PLEKHA6: variants seen among roughly 807,000 people sequenced by gnomAD.
The protein encoded by PLEKHA6 is pleckstrin homology domain-containing family A member 6.
PLEKHA6 carries 60 observed loss-of-function variants against 116.7 expected under a neutral mutation model. The observed-to-expected ratio is 0.51, with a 90% CI of 0.42 to 0.64. PLEKHA6 has a LOEUF of 0.64. Among genes scored for constraint, PLEKHA6 ranks in the 30% least tolerant of loss-of-function variants. The pLI is 0.00. For synonymous variants in PLEKHA6, 489 were observed against 556.1 expected (o/e 0.88, Z 1.70); for missense variants, 1,338 against 1,422.7 (o/e 0.94, Z 0.96).
intron 1 of PLEKHA6, chr1:204,320,399 T>A: frequency 1.5e-6 from 1 of 681,336 alleles, no homozygotes; most frequent in Non-Finnish European, 1.8e-6. Context: ...ATGCCCTCCA[T>A]CTGGATTCAC....
intron 1 of PLEKHA6, among the ~76,000 whole-genome samples, chr1:204,374,514 C>T (rs1040811961): frequency 6.6e-6 from 1 of 152,146 alleles, no homozygotes; most frequent in Non-Finnish European, 1.5e-5. Flanking sequence ...AGATTCTCAC[C>T]CATCCTTTAA....
chr1:204,307,788 C>T (rs909172882), intron 1 of PLEKHA6: 3 of 782,374 alleles, frequency 3.8e-6, no homozygotes, highest in African/African-American at 3.8e-5. Flanking sequence ...CCCAGAGGTG[C>T]AGGCACTGGG....
intron 1 of PLEKHA6, among the ~76,000 whole-genome samples, chr1:204,355,408 A>T (rs1423626623): frequency 6.6e-6 from 1 of 152,076 alleles, no homozygotes; most frequent in African/African-American, 2.4e-5. Flanking sequence ...TCCAGATTCA[A>T]CCTGAGTTTG....
At chr1:204,258,025 C>T (rs940545878) in intron 8 of PLEKHA6, among the ~76,000 whole-genome samples, 156 bp from the exon 9 acceptor site, 11 of 152,126 alleles carry the variant, frequency 7.2e-5, no homozygotes, top group Admixed American at 7.2e-4. Flanking sequence ...GACTCCTGTC[C>T]TCACAGCCCC....
chr1:204,295,916 A>G (rs1670229627), intron 1 of PLEKHA6, among the ~76,000 whole-genome samples: 2 of 152,188 alleles, frequency 1.3e-5, no homozygotes, highest in Non-Finnish European at 2.9e-5. Flanking sequence ...TTTTCTAACT[A>G]TAAACGGAAA....
intron 1 of PLEKHA6, among the ~76,000 whole-genome samples, chr1:204,324,262 G>C (rs4076841): frequency 6.6e-6 from 1 of 151,888 alleles, no homozygotes; most frequent in South Asian, 2.1e-4. Context: ...GCTATGGATC[G>C]TGAAGGGATT....
At chr1:204,339,146 TGTG>T (rs1429723796) in intron 1 of PLEKHA6, among the ~76,000 whole-genome samples, 4 of 152,184 alleles carry the variant, frequency 2.6e-5, no homozygotes, top group South Asian at 4.1e-4. Context: ...AGAGGCCACT[TGTG>T]GTGCTCAGGT....
chr1:204,363,086 T>C (rs951508933), upstream of PLEKHA6, among the ~76,000 whole-genome samples: 1 of 152,248 alleles, frequency 6.6e-6, no homozygotes, highest in Non-Finnish European at 1.5e-5. Context: ...CCAGCACTCC[T>C]GTGCTCTGTC....
upstream of PLEKHA6, among the ~76,000 whole-genome samples, chr1:204,364,893 A>C (rs896969022): frequency 2.6e-5 from 4 of 152,250 alleles, no homozygotes; most frequent in African/African-American, 9.6e-5. Context: ...TACACGCTCC[A>C]GTTGGAGAGT....
chr1:204,328,821 T>C (rs1396400675), intron 1 of PLEKHA6, among the ~76,000 whole-genome samples: 3 of 152,262 alleles, frequency 2.0e-5, no homozygotes, highest in Non-Finnish European at 4.4e-5. Context: ...ACATCTACTA[T>C]ATCCCAGGCA....
intron 12 of PLEKHA6, 103 bp from the exon 13 acceptor site, chr1:204,247,563 C>G: frequency 1.4e-6 from 1 of 740,200 alleles, no homozygotes; most frequent in Non-Finnish European, 2.3e-6. Context: ...GCACAAAGAT[C>G]TGGGGAAGAG....
intron 1 of PLEKHA6, among the ~76,000 whole-genome samples, chr1:204,319,641 T>C (rs1459102876): frequency 6.6e-6 from 1 of 152,200 alleles, no homozygotes; most frequent in Non-Finnish European, 1.5e-5. Flanking sequence ...GTCACGCCTG[T>C]TGTCCTGCAT....
chr1:204,329,019 C>T lies in PLEKHA6; in HGVS notation c.-95+30675G>A, dbSNP rs117998280. 1.4e-4 allele frequency among the ~76,000 whole-genome samples: 22 copies of T among 152,320 alleles called. 1 individual carries two copies. The East Asian group carries it at 4.1e-3, about 28-fold the overall frequency. On this transcript the variant is annotated intron_variant, in intron 1 of 22. Coordinates refer to ENST00000272203, the MANE Select transcript of PLEKHA6 (RefSeq NM_014935.5). ...CTCCACTCTTACCCTCTGTGTTGCA[C>T]TACTTCTTGTGTGTGTATGTTTTGT...
At chr1:204,288,420 G>A (rs1056483366) in intron 1 of PLEKHA6, among the ~76,000 whole-genome samples, 1 of 152,184 alleles carries the variant, frequency 6.6e-6, no homozygotes, top group Non-Finnish European at 1.5e-5. Flanking sequence ...AGGCCGCCCC[G>A]CCTGATTGGA....
At chr1:204,264,878 C>T in intron 6 of PLEKHA6, 64 bp downstream of exon 6, 2 of 1,159,092 alleles carry the variant, frequency 1.7e-6, no homozygotes, top group Non-Finnish European at 2.6e-6. Flanking sequence ...TTCTCCATTC[C>T]CATAGGCTCT....
intron 1 of PLEKHA6, among the ~76,000 whole-genome samples, chr1:204,294,330 C>G (rs1670060554): frequency 1.3e-5 from 2 of 152,330 alleles, no homozygotes; most frequent in Admixed American, 6.5e-5. Flanking sequence ...AACTTGACAA[C>G]TAGCACAGAA....
At chr1:204,316,387 G>A (rs757890316) in intron 1 of PLEKHA6, among the ~76,000 whole-genome samples, 3 of 152,196 alleles carry the variant, frequency 2.0e-5, no homozygotes, top group Admixed American at 6.5e-5. Flanking sequence ...GACAGCTGCC[G>A]GGAAAGACAG....
chr1:204,267,616 G>C, intron 4 of PLEKHA6, 69 bp from the exon 5 acceptor site: 1 of 1,333,470 alleles, frequency 7.5e-7, no homozygotes, highest in Non-Finnish European at 1.1e-6. Flanking sequence ...GGGATGCAGG[G>C]AAAAGGGCAC....
intron 1 of PLEKHA6, among the ~76,000 whole-genome samples, chr1:204,348,551 C>G (rs923169221): frequency 6.6e-6 from 1 of 152,158 alleles, no homozygotes; most frequent in South Asian, 2.1e-4. Flanking sequence ...GAAAATGGAA[C>G]CGAGCAGTGT....
Sources: gnomAD v4.1 joint callset for allele counts (sites outside exome capture counted in the v4.1 genomes callset) on GRCh38, gnomAD v4.1.1 for gene constraint, MANE v1.5 for transcripts, NCBI Gene and HGNC (gene_info 2026-07-23, HGNC 2026-07-21) for gene names.